Variants in RFC3 observed in about 807,000 individuals in gnomAD.
The protein encoded by RFC3 is replication factor C subunit 3.
A neutral mutation model predicts 45.1 loss-of-function variants in RFC3; 41 were observed. The ratio of observed to expected loss-of-function variants is 0.91; its 90% CI spans 0.71 to 1.18. The LOEUF is 1.18. RFC3 is among the 50% of genes most tolerant of loss of function. RFC3 has a pLI of 0.00. For synonymous variants in RFC3, 149 were observed against 144.0 expected (o/e 1.03, Z -0.25); for missense variants, 423 against 428.1 (o/e 0.99, Z 0.10).
rs182466143 is a variant in RFC3, at chr13:33,886,280, C to T, written c.879+51063C>T. On this transcript the variant is annotated intron_variant, in intron 8 of 8. Coordinates refer to the RFC3 transcript ENST00000434425. ...AATGAAACCGGACCAGACACAGTGGCTCACGCCTGTAATCCCAGCACTTTG... is the reference window on the plus strand; with the variant it reads ...AATGAAACCGGACCAGACACAGTGGTTCACGCCTGTAATCCCAGCACTTTG... Among the ~76,000 whole-genome samples, 232 of 152,266 alleles carry T rather than the reference C, an allele frequency of 1.5e-3. 1 individual carries two copies. Among genetic ancestry groups the T allele is most frequent in the African/African-American group, 5.2e-3 (218 of 41,556 alleles).
intron 8 of RFC3, among the ~76,000 whole-genome samples, chr13:33,913,710 T>C (rs542430532): frequency 7.9e-5 from 12 of 152,086 alleles, no homozygotes; most frequent in Non-Finnish European, 1.8e-4. Flanking sequence ...TTCTGGCAAG[T>C]TTCAGTGTTT....
chr13:33,943,878 A>G lies in RFC3; in HGVS notation c.880-22209A>G, dbSNP rs749440167. Among the ~76,000 whole-genome samples the G allele has an allele frequency of 7.1e-4, 108 of 152,178 alleles. 1 individual carries two copies. Among genetic ancestry groups the G allele is most frequent in the Admixed American group, 3.9e-4 (6 of 15,276 alleles). ...GGTTAGAAGCAAATTCGCAGGTTCT[A>G]TTGGGCAGAAGCAAGCTTTCAAGGG... On this transcript the variant is annotated intron_variant, in intron 8 of 8. Coordinates refer to the RFC3 transcript ENST00000434425.
intron 8 of RFC3, among the ~76,000 whole-genome samples, chr13:33,919,310 A>T (rs1279225144): frequency 2.0e-5 from 3 of 152,062 alleles, no homozygotes; most frequent in African/African-American, 7.2e-5. Flanking sequence ...TTTTTTAATG[A>T]TGCTAATTGT....
intron 8 of RFC3, among the ~76,000 whole-genome samples, chr13:33,885,024 A>G (rs531903080): frequency 6.6e-6 from 1 of 152,302 alleles, no homozygotes; most frequent in South Asian, 2.1e-4. Context: ...CGTGCTGGGA[A>G]GAGGCACAGT....
chr13:33,924,459 G>A (rs2082789370), intron 8 of RFC3, among the ~76,000 whole-genome samples: 1 of 151,818 alleles, frequency 6.6e-6, no homozygotes, highest in African/African-American at 2.4e-5. Context: ...CGCTATTATA[G>A]CTGTTTTCCT....
At chr13:33,825,707 T>C (rs1457051117) in intron 3 of RFC3, 82 bp from the exon 4 acceptor site, 2 of 648,040 alleles carry the variant, frequency 3.1e-6, no homozygotes, top group Admixed American at 3.6e-5. Flanking sequence ...ATTAAAATTT[T>C]GACCACTTAA....
the RFC3 span, among the ~76,000 whole-genome samples, chr13:33,972,789 C>G: frequency 6.6e-6 from 1 of 152,172 alleles, no homozygotes; most frequent in African/African-American, 2.4e-5. Flanking sequence ...TCTCCAGCAT[C>G]TATCACAGAG....
At position 33,834,339 on chromosome 13, in the gene RFC3, G is replaced by GTAAAAA. The variant is rs201540004; in HGVS notation, c.810-807_810-802dup. On this transcript the variant is annotated intron_variant, in intron 7 of 8. Coordinates refer to ENST00000380071, the MANE Select transcript of RFC3 (RefSeq NM_002915.4). ...ATATATATATATATATATCTGTACT[G>GTAAAAA]TAAAAATTCAGAAGTTTTTCCCTTT... 3.5e-3 allele frequency among the ~76,000 whole-genome samples: 386 copies of GTAAAAA among 110,142 alleles called. 10 individuals carry two copies. In the East Asian group the frequency reaches 0.064, roughly 18 times the overall value. The allele number at this position is 110,142 out of a possible 152,430, so 72.3% of individuals were successfully genotyped here. A position where few individuals can be genotyped will look rare whatever the true frequency, so the allele number is the denominator to read the frequency against.
At chr13:33,930,271 TG>T (rs1242290676) in intron 8 of RFC3, among the ~76,000 whole-genome samples, 3 of 152,064 alleles carry the variant, frequency 2.0e-5, no homozygotes, top group Non-Finnish European at 4.4e-5. Context: ...GGAAGCCAGT[TG>T]AAGTCCCAAA....
chr13:33,893,834 G>GA (rs1227473874), intron 8 of RFC3, among the ~76,000 whole-genome samples: 2 of 151,364 alleles, frequency 1.3e-5, no homozygotes, highest in Non-Finnish European at 3.0e-5. Flanking sequence ...GGTTAGGAGA[G>GA]AAAAAAGAAA....
Position 33,866,514 on chromosome 13 carries a change from A to G in RFC3, c.879+31297A>G, listed in dbSNP as rs115513116. 3.9e-3 allele frequency among the ~76,000 whole-genome samples: 592 copies of G among 152,314 alleles called. 6 individuals are homozygous for G. The highest frequency in any genetic ancestry group is 0.014 in the African/African-American group (575 of 41,572). On this transcript the variant is annotated intron_variant, in intron 8 of 8. Coordinates refer to the RFC3 transcript ENST00000434425. The stretch of plus-strand genomic sequence containing the variant: ...AATAAAACCATCTCTAGGTGTTGCA[A>G]AGAGTCCTGACTTGAGCTTTTGTAA...
chr13:33,824,061 C>A, intron 3 of RFC3, 77 bp downstream of exon 3: 3 of 688,718 alleles, frequency 4.4e-6, no homozygotes, highest in Non-Finnish European at 7.2e-6. Context: ...AAGATTGAAA[C>A]CCTTTTTTGA....
chr13:33,921,465 G>A lies in RFC3; in HGVS notation c.880-44622G>A, dbSNP rs541576671. 3.3e-5 allele frequency among the ~76,000 whole-genome samples: 5 copies of A among 152,234 alleles called. No homozygotes were observed. The South Asian group carries it at 1.0e-3, about 32-fold the overall frequency. ...CACAGAGGTCAAAAGACAGTTTCTTGAGTTCTTGTGCCTACACGTTCCTAG... is the reference window on the plus strand; with the variant it reads ...CACAGAGGTCAAAAGACAGTTTCTTAAGTTCTTGTGCCTACACGTTCCTAG... On this transcript the variant is annotated intron_variant, in intron 8 of 8. Coordinates refer to the RFC3 transcript ENST00000434425.
At chr13:33,873,727 G>C (rs1466538339) in intron 8 of RFC3, among the ~76,000 whole-genome samples, 1 of 152,106 alleles carries the variant, frequency 6.6e-6, no homozygotes, top group Non-Finnish European at 1.5e-5. Flanking sequence ...TTTAGACCAG[G>C]CCCCTGTTGT....
intron 8 of RFC3, among the ~76,000 whole-genome samples, chr13:33,887,992 CTG>C (rs896597222): frequency 1.3e-5 from 2 of 152,192 alleles, no homozygotes; most frequent in African/African-American, 2.4e-5. Context: ...ATCGACATCT[CTG>C]TTTTGGTACC....
chr13:33,935,973 A>G (rs1037650781), intron 8 of RFC3, among the ~76,000 whole-genome samples: 1 of 152,172 alleles, frequency 6.6e-6, no homozygotes, highest in Admixed American at 6.5e-5. Context: ...CCTGAATGAC[A>G]TGCTGGGAGC....
chr13:33,854,871 AGAAG>A (rs2082298849), intron 8 of RFC3, among the ~76,000 whole-genome samples: 1 of 152,218 alleles, frequency 6.6e-6, no homozygotes, highest in South Asian at 2.1e-4. Context: ...CTATTAAAAA[AGAAG>A]GAAGAACCAA....
chr13:33,873,317 T>A (rs1295609205), intron 8 of RFC3, among the ~76,000 whole-genome samples: 1 of 152,210 alleles, frequency 6.6e-6, no homozygotes, highest in East Asian at 1.9e-4. Flanking sequence ...GTGAAATAGA[T>A]GTTGCACCCA....
intron 8 of RFC3, among the ~76,000 whole-genome samples, chr13:33,907,007 T>C (rs9570570): frequency 1.3e-5 from 2 of 151,926 alleles, no homozygotes. Context: ...TTTTAAAAAT[T>C]TTTTTATAGT....
Sources: gnomAD v4.1 joint callset for allele counts (sites outside exome capture counted in the v4.1 genomes callset) on GRCh38, gnomAD v4.1.1 for gene constraint, MANE v1.5 for transcripts, NCBI Gene and HGNC (gene_info 2026-07-23, HGNC 2026-07-21) for gene names.